GRIK2: variants seen among roughly 807,000 people sequenced by gnomAD.
GRIK2 encodes the protein glutamate ionotropic receptor kainate type subunit 2.
In GRIK2, 32 loss-of-function variants were observed where a neutral mutation model predicts 100.3. The ratio of observed to expected loss-of-function variants is 0.32; its 90% CI spans 0.24 to 0.43. GRIK2 has a LOEUF of 0.43. Ranked by LOEUF, GRIK2 falls within the 20% of genes least tolerant of loss-of-function variation. The pLI, the probability that GRIK2 is intolerant of heterozygous loss-of-function variation, is 1.00. For missense variants in GRIK2, 843 were observed against 1,114.9 expected (o/e 0.76, Z 3.47); for synonymous variants, 417 against 389.4 (o/e 1.07, Z -0.83).
At chr6:101,413,905 A>G (rs1314146244) in intron 2 of GRIK2, among the ~76,000 whole-genome samples, 1 of 152,006 alleles carries the variant, frequency 6.6e-6, no homozygotes, top group Non-Finnish European at 1.5e-5. Context: ...TTATACAAGC[A>G]ACCAGTCATA....
chr6:101,583,354 C>T (rs1490966965), intron 2 of GRIK2, among the ~76,000 whole-genome samples: 1 of 152,062 alleles, frequency 6.6e-6, no homozygotes, highest in Non-Finnish European at 1.5e-5. Flanking sequence ...GCTTTTGGAG[C>T]AAAAAGTTGA....
At chr6:101,674,657 A>G (rs1295600292) in intron 4 of GRIK2, among the ~76,000 whole-genome samples, 2 of 152,226 alleles carry the variant, frequency 1.3e-5, no homozygotes, top group Non-Finnish European at 2.9e-5. Context: ...TAGTATGTTT[A>G]ATGGATGCAT....
chr6:101,422,024 T>G (rs1776438117), intron 2 of GRIK2, among the ~76,000 whole-genome samples: 1 of 152,210 alleles, frequency 6.6e-6, no homozygotes, highest in Admixed American at 6.5e-5. Context: ...GTTGCTCCTA[T>G]TATTAATACT....
intron 2 of GRIK2, among the ~76,000 whole-genome samples, chr6:101,475,047 G>A (rs140981734): frequency 1.4e-4 from 22 of 151,974 alleles, no homozygotes; most frequent in African/African-American, 4.8e-4. Flanking sequence ...ACCAGAAGGT[G>A]TAACTCTTGT....
At chr6:101,749,906 A>G (rs1776681801) in intron 7 of GRIK2, among the ~76,000 whole-genome samples, 2 of 138,616 alleles carry the variant, frequency 1.4e-5, no homozygotes, top group South Asian at 4.6e-4. Context: ...TCCGCCTCCC[A>G]GGTTCAACTG....
chr6:101,689,008 T>C (rs1407187154), intron 7 of GRIK2, among the ~76,000 whole-genome samples: 1 of 152,014 alleles, frequency 6.6e-6, no homozygotes, highest in Non-Finnish European at 1.5e-5. Flanking sequence ...AATTGAGTTC[T>C]GTATTAAAAT....
At chr6:101,827,405 G>T (rs148474987) in intron 10 of GRIK2, among the ~76,000 whole-genome samples, 61 of 151,554 alleles carry the variant, frequency 4.0e-4, no homozygotes, top group African/African-American at 1.5e-3. Flanking sequence ...ACTTATTAGG[G>T]TTATTGCTCT....
intron 4 of GRIK2, among the ~76,000 whole-genome samples, chr6:101,655,309 A>G (rs1234637623): frequency 6.6e-6 from 1 of 152,184 alleles, no homozygotes; most frequent in South Asian, 2.1e-4. Context: ...TATTCCACCC[A>G]TCATGTAAAT....
chr6:101,587,065 A>G (rs999061013), intron 2 of GRIK2, among the ~76,000 whole-genome samples: 4 of 152,008 alleles, frequency 2.6e-5, no homozygotes, highest in African/African-American at 9.7e-5. Context: ...ATAATTCTAG[A>G]ATTTGTTGAA....
chr6:101,628,995 A>G (rs1780587807), intron 4 of GRIK2, among the ~76,000 whole-genome samples: 1 of 152,076 alleles, frequency 6.6e-6, no homozygotes, highest in African/African-American at 2.4e-5. Context: ...GGGATTTGCA[A>G]TCAGGTCCTA....
intron 14 of GRIK2, among the ~76,000 whole-genome samples, chr6:101,997,145 A>G (rs1159229048): frequency 6.6e-6 from 1 of 152,150 alleles, no homozygotes; most frequent in African/African-American, 2.4e-5. Flanking sequence ...TAAGGTAAAG[A>G]ATAATTAAGT....
chr6:101,464,819 C>G (rs1205591595), intron 2 of GRIK2, among the ~76,000 whole-genome samples: 2 of 152,026 alleles, frequency 1.3e-5, no homozygotes, highest in African/African-American at 4.8e-5. Context: ...CGTGCCCGGC[C>G]CCAAACATTC....
chr6:101,473,685 C>T (rs1772071856), intron 2 of GRIK2, among the ~76,000 whole-genome samples: 2 of 151,796 alleles, frequency 1.3e-5, no homozygotes, highest in African/African-American at 4.8e-5. Context: ...GGTTTTGCTG[C>T]CAGTTATGGG....
At chr6:101,539,910 C>T (rs1343422665) in intron 2 of GRIK2, among the ~76,000 whole-genome samples, 1 of 151,672 alleles carries the variant, frequency 6.6e-6, no homozygotes, top group Non-Finnish European at 1.5e-5. Flanking sequence ...GTTGATAGGG[C>T]TTTAGCTACA....
chr6:101,999,739 T>A (rs1379624461), intron 14 of GRIK2, among the ~76,000 whole-genome samples: 1 of 152,088 alleles, frequency 6.6e-6, no homozygotes, highest in East Asian at 1.9e-4. Context: ...AAAGATGTAT[T>A]TTCCTTTTTT....
chr6:102,006,863 A>G (rs1317616716), intron 14 of GRIK2, among the ~76,000 whole-genome samples: 1 of 152,100 alleles, frequency 6.6e-6, no homozygotes, highest in Non-Finnish European at 1.5e-5. Context: ...AATTATCATC[A>G]TGTTCGTGTA....
intron 7 of GRIK2, among the ~76,000 whole-genome samples, chr6:101,790,042 T>C (rs560132089): frequency 6.6e-6 from 1 of 152,312 alleles, no homozygotes; most frequent in South Asian, 2.1e-4. Context: ...CTTGTGATTT[T>C]TGTACATTGA....
At chr6:101,964,190 TATAAC>T (rs1260289768) in intron 14 of GRIK2, among the ~76,000 whole-genome samples, 1 of 151,082 alleles carries the variant, frequency 6.6e-6, no homozygotes, top group Non-Finnish European at 1.5e-5. Flanking sequence ...TCATTACACA[TATAAC>T]ATCATATATA....
chr6:101,813,594 C>A (rs544585122), intron 9 of GRIK2, among the ~76,000 whole-genome samples: 5 of 152,070 alleles, frequency 3.3e-5, no homozygotes, highest in African/African-American at 7.2e-5. Flanking sequence ...AAATTACAAC[C>A]TTTTCCTTGT....
Sources: allele counts gnomAD v4.1 joint callset (sites outside exome capture counted in the v4.1 genomes callset), GRCh38; gene constraint gnomAD v4.1.1; transcripts MANE v1.5; gene names NCBI Gene and HGNC (gene_info 2026-07-23, HGNC 2026-07-21).